The following PLG variants were observed in gnomAD, a reference collection of about 807,000 sequenced individuals.
PLG encodes plasminogen.
PLG carries 41 observed loss-of-function variants against 104.4 expected under a neutral mutation model. The observed-to-expected ratio is 0.39, with a 90% CI of 0.31 to 0.51. The LOEUF is 0.51. PLG is among the 20% of genes least tolerant of loss of function. The pLI, the probability that PLG is intolerant of heterozygous loss-of-function variation, is 0.76. For synonymous variants in PLG, 337 were observed against 357.1 expected, an observed-to-expected ratio of 0.94 and a Z score of 0.63; for missense variants, 891 against 1,003.6, an observed-to-expected ratio of 0.89 and a Z score of 1.52.
chr6:160,748,440 G>GAAAAAGA (rs1244989234), intron 17 of PLG, among the ~76,000 whole-genome samples: 17 of 69,422 alleles, frequency 2.4e-4, no homozygotes, highest in African/African-American at 8.6e-4. Context: ...ACGAAAGAAA[G>GAAAAAGA]AAGGGAGGGA....
Position 160,734,092 on chromosome 6 carries a change from G to C in PLG, c.1681+4G>C. 1 of 1,566,084 alleles carries C rather than the reference G, an allele frequency of 6.4e-7. No homozygotes were observed. The highest frequency in any genetic ancestry group is 1.1e-5 in the South Asian group (1 of 90,186). ...TACTGTGATGTCCCTCAGTGTGGTA[G>C]GTTGCCTTCTTTTTGGTAAGGAAAC... is the stretch of plus-strand genomic sequence containing the variant. On this transcript the variant is annotated splice_donor_region_variant and intron_variant, in intron 13 of 18. Transcript: ENST00000308192. This position sits in a 1 kb window ranked among gnomAD's most constrained non-coding sequence, Gnocchi z 4.4.
At position 160,737,043 on chromosome 6, in the gene PLG, T is replaced by A; in HGVS notation, c.1802+36T>A. On this transcript the variant is annotated intron_variant, in intron 14 of 18. Transcript: ENST00000308192. The surrounding 1 kb of genome is among the most constrained non-coding windows in gnomAD (Gnocchi z 4.7). Reference sequence around the variant, plus strand: ...GCCCAGAAACGATTTATACTGTCCCTCCACGTAAGCCCTGCAAAACCCTTC... The same window carrying A: ...GCCCAGAAACGATTTATACTGTCCCACCACGTAAGCCCTGCAAAACCCTTC... 6.2e-7 allele frequency: 1 copy of A among 1,610,584 alleles called. No individual in the cohort carries two copies.
In PLG at chr6:160,724,288, A is replaced by G. The variant is rs1239240998; in HGVS notation, c.1256+1721A>G. Among the ~76,000 whole-genome samples the G allele has an allele frequency of 3.3e-5, 5 of 152,172 alleles. No homozygotes were observed. The highest frequency in any genetic ancestry group is 5.9e-5 in the Non-Finnish European group (4 of 68,024). On this transcript the variant is annotated intron_variant, in intron 10 of 18. Transcript: ENST00000308192. This position sits in a 1 kb window ranked among gnomAD's most constrained non-coding sequence, Gnocchi z 5.0. ...AAAAGAAAAATTATAAAATAACCAA[A>G]TAGAAATTAAATAACTAAAAAAGTG... is the stretch of plus-strand genomic sequence containing the variant.
At position 160,731,986 on chromosome 6, in the gene PLG, G is replaced by T; in HGVS notation, c.1587+93G>T. ...TGTTACAGAAAATCTGACCTGGACTGCTCTTTTTTGTAATGGGGGAGAGGG... is the reference window on the plus strand; with the variant it reads ...TGTTACAGAAAATCTGACCTGGACTTCTCTTTTTTGTAATGGGGGAGAGGG... On this transcript the variant is annotated intron_variant, in intron 12 of 18. Transcript: ENST00000308192. This position sits in a 1 kb window ranked among gnomAD's most constrained non-coding sequence, Gnocchi z 5.1. 1 of 1,301,008 alleles carries T rather than the reference G, an allele frequency of 7.7e-7. No homozygotes were observed. 80.6% of individuals were successfully genotyped at this position (1,301,008 alleles called of 1,614,324 possible).
chr6:160,703,484 T>C (rs1777462726), intron 1 of PLG, among the ~76,000 whole-genome samples: 1 of 152,238 alleles, frequency 6.6e-6, no homozygotes, highest in South Asian at 2.1e-4. Flanking sequence ...TGTATTTATA[T>C]CTTTGCCATT....
At position 160,736,867 on chromosome 6, in the gene PLG, T is replaced by C; in HGVS notation, c.1682-20T>C. 1 of 1,613,404 alleles carries C rather than the reference T, an allele frequency of 6.2e-7. No individual in the cohort carries two copies. The highest frequency in any genetic ancestry group is 8.5e-7 in the Non-Finnish European group (1 of 1,179,514). ...GCTACCTTGTCTCAAATGGGATTTC[T>C]TTCCCACCTTGTGCCACAGCGGCCC... On this transcript the variant is annotated intron_variant, in intron 13 of 18. Transcript: ENST00000308192. This position sits in a 1 kb window ranked among gnomAD's most constrained non-coding sequence, Gnocchi z 5.2.
intron 9 of PLG, among the ~76,000 whole-genome samples, chr6:160,720,480 C>T (rs1186427362): frequency 2.6e-5 from 3 of 116,778 alleles, no homozygotes; most frequent in Non-Finnish European, 4.8e-5. Flanking sequence ...AGTGCAGTGG[C>T]GCAATCTCGG....
intron 6 of PLG, among the ~76,000 whole-genome samples, chr6:160,715,770 T>G (rs1465659898): frequency 6.6e-6 from 1 of 152,238 alleles, no homozygotes; most frequent in African/African-American, 2.4e-5. Flanking sequence ...GCTGCCATTT[T>G]CCTTCAAAGG....
intron 3 of PLG, chr6:160,708,191 T>C: frequency 5.5e-6 from 1 of 182,368 alleles, no homozygotes; most frequent in South Asian, 1.1e-4. Flanking sequence ...AACATCTGGA[T>C]GAAGCCTTGT....
intron 3 of PLG, among the ~76,000 whole-genome samples, chr6:160,709,985 G>T (rs530722085): frequency 6.6e-6 from 1 of 152,160 alleles, no homozygotes; most frequent in Non-Finnish European, 1.5e-5. Context: ...TTTCTTCTTC[G>T]AATATGGGGT....
At chr6:160,705,556 G>A (rs1375851754) in intron 1 of PLG, 1 of 152,200 alleles carries the variant, frequency 6.6e-6, no homozygotes, top group Non-Finnish European at 1.5e-5. Flanking sequence ...GGCCTTCTTT[G>A]TTGGGGAGCT....
intron 17 of PLG, among the ~76,000 whole-genome samples, chr6:160,748,358 A>AAGAAAGAAAGAAAGAAAGAAAGAGAGAG (rs1582952833): frequency 5.7e-4 from 20 of 35,170 alleles, no homozygotes; most frequent in Non-Finnish European, 9.4e-4. Flanking sequence ...AAGAGAAAGA[A>AAGAAAGAAAGAAAGAAAGAAAGAGAGAG]AGAAAGAAAG....
At position 160,748,134 on chromosome 6, in the gene PLG, G is replaced by A. The variant is rs936460605; in HGVS notation, c.2126-3981G>A. On this transcript the variant is annotated intron_variant, in intron 17 of 18. Transcript: ENST00000308192. ...AGCCTGACCAACACGGTGAAACCCC[G>A]TCTCTACTAAAAATACAAAAATTAG... 1.1e-4 allele frequency among the ~76,000 whole-genome samples: 17 copies of A among 151,232 alleles called. 1 individual carries two copies. Among genetic ancestry groups the A allele is most frequent in the Admixed American group, 7.2e-4 (11 of 15,198 alleles).
chr6:160,737,124 TGAA>T lies in PLG; in HGVS notation c.1802+119_1802+121del, dbSNP rs536955022. The T allele has an allele frequency of 4.4e-4, 573 of 1,298,434 alleles. 3 individuals carry two copies. In the African/African-American group the frequency reaches 7.4e-3, roughly 17 times the overall value. The allele number at this position is 1,298,434 out of a possible 1,614,324, so 80.4% of individuals were successfully genotyped here. On this transcript the variant is annotated intron_variant, in intron 14 of 18. Transcript: ENST00000308192. The surrounding 1 kb of genome is among the most constrained non-coding windows in gnomAD (Gnocchi z 4.7). Reference sequence around the variant, plus strand: ...CATCAGCACCTGCCTCTAAGTTTTCTGAAGGAGGAAAAAAGCTACAAAAATTAA... The same window carrying T: ...CATCAGCACCTGCCTCTAAGTTTTCTGGAGGAAAAAAGCTACAAAAATTAA...
At position 160,732,126 on chromosome 6, in the gene PLG, A is replaced by C. The variant is rs1458761201; in HGVS notation, c.1587+233A>C. Among the ~76,000 whole-genome samples the C allele has an allele frequency of 6.6e-6, 1 of 152,210 alleles. No individual in the cohort carries two copies. The highest frequency in any genetic ancestry group is 2.4e-5 in the African/African-American group (1 of 41,448). On this transcript the variant is annotated intron_variant, in intron 12 of 18. Coordinates refer to ENST00000308192, the MANE Select transcript of PLG (RefSeq NM_000301.5). This position sits in a 1 kb window ranked among gnomAD's most constrained non-coding sequence, Gnocchi z 4.5. ...AACCTCCACACATGTGAGGGTTCTC[A>C]GGCCTCTTCCCTTTAGTGACATTTC... is the stretch of plus-strand genomic sequence containing the variant.
Position 160,752,932 on chromosome 6 carries a change from G to A in PLG, c.2304G>A (p.Glu768=). The A allele has an allele frequency of 1.9e-6, 3 of 1,613,690 alleles. No homozygotes were observed. Among genetic ancestry groups the A allele is most frequent in the South Asian group, 1.1e-5 (1 of 91,064 alleles). The change falls in exon 19 of 19, where the codon GAG becomes GAA. Residue 768 remains glutamate (E), a synonymous_variant. Transcript: ENST00000308192. The surrounding 1 kb of genome is among the most constrained non-coding windows in gnomAD (Gnocchi z 4.7). ...GDSGGPLVCF[E]KDKYILQGVT... Reference sequence around the variant, plus strand: ...GTGGAGGTCCTCTGGTTTGCTTCGAGAAGGACAAATACATTTTACAAGGAG... The same window carrying A: ...GTGGAGGTCCTCTGGTTTGCTTCGAAAAGGACAAATACATTTTACAAGGAG...
intron 9 of PLG, among the ~76,000 whole-genome samples, chr6:160,720,391 C>A (rs190115206): frequency 8.2e-6 from 1 of 121,460 alleles, no homozygotes; most frequent in African/African-American, 3.1e-5. Context: ...TTTTTCTTTT[C>A]TCTTTTTTCT....
rs1281807000 is a variant in PLG, at chr6:160,737,908, C to T, written c.1803-630C>T. Among the ~76,000 whole-genome samples, 19 of 152,120 alleles carry T rather than the reference C, an allele frequency of 1.2e-4. No homozygotes were observed. On this transcript the variant is annotated intron_variant, in intron 14 of 18. Coordinates refer to ENST00000308192, the MANE Select transcript of PLG (RefSeq NM_000301.5). The surrounding 1 kb of genome is among the most constrained non-coding windows in gnomAD (Gnocchi z 4.7). ...CTTTCCTAAACTATGTGGTGGTCTA[C>T]GTCCTCACTGACTTATCAACATGCT... is the stretch of plus-strand genomic sequence containing the variant.
intron 6 of PLG, among the ~76,000 whole-genome samples, chr6:160,716,322 G>A (rs913056932): frequency 1.1e-4 from 16 of 152,210 alleles, no homozygotes; most frequent in African/African-American, 3.6e-4. Context: ...TGGCAGCCGG[G>A]CATGGTGGCA....
Sources: gnomAD v4.1 joint callset for allele counts (sites outside exome capture counted in the v4.1 genomes callset) on GRCh38, gnomAD v4.1.1 for gene constraint, Gnocchi (gnomAD v3.1) non-coding constraint, MANE v1.5 for transcripts, NCBI Gene and HGNC (gene_info 2026-07-23, HGNC 2026-07-21) for gene names.